Variants in RAB6B observed in about 807,000 individuals in gnomAD.
RAB6B encodes RAB6B, member RAS oncogene family, also known as ras-related protein Rab-6B.
RAB6B carries 7 observed loss-of-function variants against 31.2 expected under a neutral mutation model. That is an observed-to-expected ratio of 0.22 (90% CI 0.13 to 0.42). The LOEUF is 0.42. RAB6B is among the 10% of genes least tolerant of loss of function. The pLI is 1.00. For synonymous variants in RAB6B, 105 were observed against 104.9 expected (o/e 1.00, Z -0.01); for missense variants, 149 against 280.6 (o/e 0.53, Z 3.35).
chr3:133,838,319 G>T lies in RAB6B; in HGVS notation c.402-60C>A. 4.0e-6 allele frequency: 6 copies of T among 1,488,182 alleles called. No homozygotes were observed. The South Asian group carries it at 6.8e-5, about 17-fold the overall frequency. 92.2% of individuals were successfully genotyped at this position (1,488,182 alleles called of 1,614,324 possible). A position where few individuals can be genotyped will look rare whatever the true frequency, so the allele number is the denominator to read the frequency against. On this transcript the variant is annotated intron_variant, in intron 5 of 7. Coordinates refer to ENST00000285208, the MANE Select transcript of RAB6B (RefSeq NM_016577.4). ...CAGAGAAGCAGACCCTGGCAGATATGAGGAGGGACCCACCCAGCAGGGCAG... is the reference window on the plus strand; with the variant it reads ...CAGAGAAGCAGACCCTGGCAGATATTAGGAGGGACCCACCCAGCAGGGCAG...
At chr3:133,889,196 G>A (rs553123242) in intron 1 of RAB6B, among the ~76,000 whole-genome samples, 5 of 151,762 alleles carry the variant, frequency 3.3e-5, no homozygotes, top group South Asian at 2.1e-4. Context: ...CGATGCATTC[G>A]GCAACAATGG....
intron 1 of RAB6B, among the ~76,000 whole-genome samples, chr3:133,873,272 C>G (rs1052716037): frequency 1.7e-4 from 26 of 152,358 alleles, no homozygotes; most frequent in Admixed American, 5.9e-4. Context: ...TCCTCCAGCT[C>G]CTCCTGAACA....
At chr3:133,841,561 C>G (rs753344076) in intron 3 of RAB6B, 49 bp downstream of exon 3, 5 of 1,601,618 alleles carry the variant, frequency 3.1e-6, no homozygotes, top group East Asian at 4.5e-5. Flanking sequence ...AGGGGATAAG[C>G]CCAAAGGAAC....
rs1464542077 is a variant in RAB6B at position 133,824,254 on chromosome 3, C to G, written c.*4534G>C. On this transcript the variant is annotated 3_prime_UTR_variant, in exon 8 of 8. Transcript: ENST00000285208. ...AGAAGCTTTGTTTTGAGAATTAGGA[C>G]AGTTTATTGTTTGACCAACATGCTG... The G allele has an allele frequency of 6.6e-6, 1 of 152,238 alleles. No homozygotes were observed. The highest frequency in any genetic ancestry group is 1.5e-5 in the Non-Finnish European group (1 of 68,068). 9.4% of individuals were successfully genotyped at this position (152,238 alleles called of 1,614,324 possible). A position where few individuals can be genotyped will look rare whatever the true frequency, so the allele number is the denominator to read the frequency against.
intron 2 of RAB6B, among the ~76,000 whole-genome samples, chr3:133,860,553 GAA>G (rs1459356458): frequency 6.6e-6 from 1 of 152,242 alleles, no homozygotes; most frequent in Admixed American, 6.5e-5. Context: ...AGCCCCAGGA[GAA>G]GAGAGAGGAA....
In RAB6B at chr3:133,826,862, C is replaced by T. The variant is rs1935572775; in HGVS notation, c.*1926G>A. ...AGTTCCAACTTGAGAGCAGGAGAAA[C>T]AAGAATATACATTGAGCACATGTAT... On this transcript the variant is annotated 3_prime_UTR_variant, in exon 8 of 8. Transcript: ENST00000285208. 6.6e-6 allele frequency: 1 copy of T among 152,624 alleles called. No homozygotes were observed. The highest frequency in any genetic ancestry group is 2.4e-5 in the African/African-American group (1 of 41,440). 9.5% of individuals were successfully genotyped at this position (152,624 alleles called of 1,614,324 possible). A position where few individuals can be genotyped will look rare whatever the true frequency, so the allele number is the denominator to read the frequency against.
At chr3:133,877,199 G>C (rs2108010615) in intron 1 of RAB6B, among the ~76,000 whole-genome samples, 1 of 152,354 alleles carries the variant, frequency 6.6e-6, no homozygotes, top group East Asian at 1.9e-4. Flanking sequence ...AAACACAGCA[G>C]CTAGAGTTCA....
At chr3:133,886,418 T>C (rs184531374) in intron 1 of RAB6B, among the ~76,000 whole-genome samples, 1 of 152,354 alleles carries the variant, frequency 6.6e-6, no homozygotes, top group African/African-American at 2.4e-5. Context: ...TCTGCCCTTA[T>C]ACTCCACCCT....
At position 133,864,640 on chromosome 3, in the gene RAB6B, C is replaced by T. The variant is rs1008529663; in HGVS notation, c.73G>A (p.Gly25Arg). ...AACCTCGTAATCAGAGACGTCTTCC[C>T]GACTGCAAAACAACAAGGAGAGAGG... ...KLVFLGEQSV[G>R]KTSLITRFMY... The change falls in exon 2 of 8, where the codon GGG becomes AGG. Residue 25 changes from glycine to arginine, a missense_variant and splice_region_variant. By Grantham distance (125) the Gly-to-Arg change is moderately radical. This residue lies in a region of RAB6B where 75 missense variants were observed against 180.1 expected (regional missense o/e 0.42). Coordinates refer to ENST00000285208, the MANE Select transcript of RAB6B (RefSeq NM_016577.4). 2.5e-6 allele frequency: 4 copies of T among 1,613,902 alleles called. No homozygotes were observed. The highest frequency in any genetic ancestry group is 1.7e-5 in the Admixed American group (1 of 60,000).
intron 7 of RAB6B, 78 bp downstream of exon 7, chr3:133,834,497 T>A (rs1935703424): frequency 4.1e-6 from 6 of 1,463,016 alleles, no homozygotes; most frequent in Non-Finnish European, 5.8e-6. Flanking sequence ...GGCGAGTGTC[T>A]GTCCACTGCA....
chr3:133,851,952 T>C (rs1935989948), intron 2 of RAB6B, among the ~76,000 whole-genome samples: 1 of 152,066 alleles, frequency 6.6e-6, no homozygotes, highest in South Asian at 2.1e-4. Context: ...ACCACACCAC[T>C]AGAACTAATG....
intron 2 of RAB6B, among the ~76,000 whole-genome samples, chr3:133,850,523 C>T (rs1461656170): frequency 1.3e-5 from 2 of 151,998 alleles, no homozygotes; most frequent in Non-Finnish European, 2.9e-5. Context: ...CAAATACAAA[C>T]TTAGAACTGA....
At chr3:133,838,799 T>G (rs1357972625) in intron 5 of RAB6B, among the ~76,000 whole-genome samples, 1 of 152,174 alleles carries the variant, frequency 6.6e-6, no homozygotes, top group African/African-American at 2.4e-5. Flanking sequence ...GACAGAACTC[T>G]AGTAAAGCAG....
intron 1 of RAB6B, among the ~76,000 whole-genome samples, chr3:133,875,600 A>G (rs1936384295): frequency 6.6e-6 from 1 of 152,192 alleles, no homozygotes; most frequent in South Asian, 2.1e-4. Flanking sequence ...TCTTGGCCTC[A>G]GCCCTTCCAT....
At chr3:133,841,958 G>A (rs1034730201) in intron 2 of RAB6B, among the ~76,000 whole-genome samples, 4 of 152,128 alleles carry the variant, frequency 2.6e-5, no homozygotes, top group African/African-American at 7.2e-5. Context: ...CAGGAGCAAG[G>A]CCACTCAGGC....
intron 2 of RAB6B, among the ~76,000 whole-genome samples, chr3:133,848,291 T>A (rs1935933667): frequency 6.6e-6 from 1 of 152,216 alleles, no homozygotes; most frequent in African/African-American, 2.4e-5. Context: ...AATACTGAAC[T>A]GGTTGCTTGG....
At chr3:133,879,870 C>G (rs1429281173) in intron 1 of RAB6B, among the ~76,000 whole-genome samples, 2 of 152,204 alleles carry the variant, frequency 1.3e-5, no homozygotes, top group Non-Finnish European at 2.9e-5. Context: ...ACCCTATTCT[C>G]ATAGCTCAGA....
At chr3:133,834,721 C>A in intron 6 of RAB6B, 80 bp from the exon 7 acceptor site, 1 of 1,322,454 alleles carries the variant, frequency 7.6e-7, no homozygotes, top group Non-Finnish European at 1.1e-6. Flanking sequence ...ACCCTCACCC[C>A]TCTTCCCCTC....
In RAB6B at chr3:133,852,606, A is replaced by T. The variant is rs191831987; in HGVS notation, c.130-10943T>A. Among the ~76,000 whole-genome samples, 11 of 151,834 alleles carry T rather than the reference A, an allele frequency of 7.2e-5. No individual in the cohort carries two copies. The East Asian group carries it at 1.9e-3, about 27-fold the overall frequency. On this transcript the variant is annotated intron_variant, in intron 2 of 7. Coordinates refer to ENST00000285208, the MANE Select transcript of RAB6B (RefSeq NM_016577.4). ...CTGCCTCAGCCTCCCAAGTAGTTGGAACTACAGGAGTGTGCCACCACGCCC... is the reference window on the plus strand; with the variant it reads ...CTGCCTCAGCCTCCCAAGTAGTTGGTACTACAGGAGTGTGCCACCACGCCC...
Sources: allele counts gnomAD v4.1 joint callset (sites outside exome capture counted in the v4.1 genomes callset), GRCh38; gene constraint gnomAD v4.1.1; regional missense constraint gnomAD v4.1.1; transcripts MANE v1.5; gene names NCBI Gene and HGNC (gene_info 2026-07-23, HGNC 2026-07-21).